CEP85: variants seen among roughly 807,000 people sequenced by gnomAD.
CEP85 encodes the protein centrosomal protein 85, also known as centrosomal protein of 85 kDa.
A neutral mutation model predicts 93.7 loss-of-function variants in CEP85; 58 were observed. The observed-to-expected ratio is 0.62, with a 90% CI of 0.50 to 0.77. CEP85 has a LOEUF of 0.77. Ranked by LOEUF, CEP85 falls within the 30% of genes least tolerant of loss-of-function variation. CEP85 has a pLI of 0.00. For synonymous variants in CEP85, 314 were observed against 338.6 expected (o/e 0.93, Z 0.80); for missense variants, 868 against 922.0 (o/e 0.94, Z 0.76).
intron 12 of CEP85, among the ~76,000 whole-genome samples, chr1:26,276,200 G>A (rs1166288854): frequency 6.6e-6 from 1 of 152,364 alleles, no homozygotes; most frequent in South Asian, 2.1e-4. Flanking sequence ...GGCTAACAGA[G>A]TTGGCTGAGG....
At chr1:26,239,913 G>T in intron 2 of CEP85, 75 bp downstream of exon 2, 2 of 1,095,742 alleles carry the variant, frequency 1.8e-6, no homozygotes, top group South Asian at 2.6e-5. Flanking sequence ...GGTAAATATT[G>T]AACAAACAAG....
intron 3 of CEP85, among the ~76,000 whole-genome samples, chr1:26,250,745 G>T (rs2124573535): frequency 6.6e-6 from 1 of 152,090 alleles, no homozygotes; most frequent in Admixed American, 6.6e-5. Context: ...TTCTGTTACT[G>T]TAAGAGAATA....
chr1:26,247,851 G>T (rs1442165817), intron 3 of CEP85, among the ~76,000 whole-genome samples: 1 of 152,022 alleles, frequency 6.6e-6, no homozygotes, highest in African/African-American at 2.4e-5. Context: ...GTGGAGTCAG[G>T]TTCTCACCAT....
intron 13 of CEP85, 123 bp from the exon 14 acceptor site, chr1:26,277,013 A>G (rs2090063332): frequency 1.9e-6 from 2 of 1,071,860 alleles, no homozygotes; most frequent in Non-Finnish European, 2.8e-6. Context: ...CTGTCCCCAG[A>G]TGCTTTTTTT....
At chr1:26,261,299 C>G (rs2089803843) in intron 7 of CEP85, among the ~76,000 whole-genome samples, 1 of 151,354 alleles carries the variant, frequency 6.6e-6, no homozygotes, top group Non-Finnish European at 1.5e-5. Flanking sequence ...ATGGAGAAAC[C>G]CTGTCTCTAC....
chr1:26,239,683 G>A lies in CEP85; in HGVS notation c.-22-79G>A, dbSNP rs2089389882. ...TTGAATATTCTATATGGTTTTGACA[G>A]TTTCAGTTGAATGGGAACTGAGTTG... On this transcript the variant is annotated intron_variant, in intron 1 of 13. Coordinates refer to ENST00000451429, the MANE Select transcript of CEP85 (RefSeq NM_001319944.2). 6.7e-6 allele frequency: 6 copies of A among 893,442 alleles called. No homozygotes were observed. In the African/African-American group the frequency reaches 8.2e-5, roughly 12 times the overall value. 55.3% of individuals were successfully genotyped at this position (893,442 alleles called of 1,614,324 possible).
chr1:26,268,380 C>A, intron 7 of CEP85, 103 bp from the exon 8 acceptor site: 3 of 1,326,890 alleles, frequency 2.3e-6, no homozygotes, highest in Non-Finnish European at 2.1e-6. Context: ...ATCACTTGAG[C>A]CTGGGAGGTG....
Position 26,259,694 on chromosome 1 carries a change from C to G in CEP85, c.1233C>G (p.Asp411Glu). ...AAGCCTTGAGCAGAGAAAAGATTGACCTTGAAAAGAAACTCTCTGCTTCTG... is the reference window on the plus strand; with the variant it reads ...AAGCCTTGAGCAGAGAAAAGATTGAGCTTGAAAAGAAACTCTCTGCTTCTG... Reference protein sequence around the residue: ...KTEALSREKIDLEKKLSASEV... With the variant: ...KTEALSREKIELEKKLSASEV... The change falls in exon 7 of 14, where the codon GAC becomes GAG. Residue 411 changes from aspartate to glutamate, a missense_variant. Coordinates refer to ENST00000451429, the MANE Select transcript of CEP85 (RefSeq NM_001319944.2). 1 of 1,614,102 alleles carries G rather than the reference C, an allele frequency of 6.2e-7. No homozygotes were observed. The highest frequency in any genetic ancestry group is 1.3e-5 in the African/African-American group (1 of 75,050).
chr1:26,257,533 G>A, intron 4 of CEP85, 64 bp from the exon 5 acceptor site: 2 of 1,591,618 alleles, frequency 1.3e-6, no homozygotes, highest in East Asian at 4.5e-5. Flanking sequence ...GCTGATTACT[G>A]CTCAGGTGTT....
intron 3 of CEP85, among the ~76,000 whole-genome samples, chr1:26,250,838 A>G (rs1051064610): frequency 6.6e-6 from 1 of 151,450 alleles, no homozygotes; most frequent in Non-Finnish European, 1.5e-5. Flanking sequence ...GCATAGTGGC[A>G]GCATCTGGCG....
intron 2 of CEP85, among the ~76,000 whole-genome samples, chr1:26,241,243 A>ATTT (rs1433524136): frequency 1.1e-4 from 7 of 61,814 alleles, no homozygotes; most frequent in Admixed American, 1.6e-4. Flanking sequence ...CATTCAGCAG[A>ATTT]ATTTTTTTTT....
chr1:26,253,390 C>CTT (rs778365418), intron 3 of CEP85, among the ~76,000 whole-genome samples: 18,450 of 134,508 alleles, frequency 0.14, 1,484 homozygotes, highest in Middle Eastern at 0.18. Flanking sequence ...TATCTTTCAT[C>CTT]TTTTTTTTTT....
chr1:26,248,812 C>T lies in CEP85; in HGVS notation c.208+4494C>T, dbSNP rs369315029. ...GGCAATCTCGGCTCACTGCAAGCTC[C>T]GCCTTCCGGGTTAATGCCATTCTCC... is the stretch of plus-strand genomic sequence containing the variant. On this transcript the variant is annotated intron_variant, in intron 3 of 13. Transcript: ENST00000451429. 2.6e-4 allele frequency among the ~76,000 whole-genome samples: 37 copies of T among 144,286 alleles called. No homozygotes were observed. The East Asian group carries it at 3.6e-3, about 14-fold the overall frequency. The allele number at this position is 144,286 out of a possible 152,430, so 94.7% of individuals were successfully genotyped here. A position where few individuals can be genotyped will look rare whatever the true frequency, so the allele number is the denominator to read the frequency against.
At chr1:26,276,932 T>G (rs533383992) in intron 13 of CEP85, among the ~76,000 whole-genome samples, 172 bp downstream of exon 13, 4 of 152,234 alleles carry the variant, frequency 2.6e-5, no homozygotes, top group Non-Finnish European at 5.9e-5. Context: ...AAATCTGTTT[T>G]TGGAAACAAG....
chr1:26,277,117 A>G lies in CEP85; in HGVS notation c.2129-19A>G. On this transcript the variant is annotated intron_variant, in intron 13 of 13. Transcript: ENST00000451429. ...GTCTCATAACTAACATTCTCTTGAA[A>G]TGCTCTTCTCCCCAGCAGCACAGCA... is the stretch of plus-strand genomic sequence containing the variant. 6.2e-7 allele frequency: 1 copy of G among 1,608,408 alleles called. No homozygotes were observed. Among genetic ancestry groups the G allele is most frequent in the Non-Finnish European group, 8.5e-7 (1 of 1,175,102 alleles).
Position 26,248,722 on chromosome 1 carries a change from C to CT in CEP85, c.208+4426dup, listed in dbSNP as rs573449499. Among the ~76,000 whole-genome samples, 166 of 56,196 alleles carry CT rather than the reference C, an allele frequency of 3.0e-3. 16 individuals are homozygous for CT. The highest frequency in any genetic ancestry group is 0.019 in the East Asian group (38 of 2,022). 36.9% of individuals were successfully genotyped at this position (56,196 alleles called of 152,430 possible). ...TGTTGGCCAGTCTGGGTCTTGAACT[C>CT]TTTTTTTTTTTTTTTTTTTTTTGAG... is the stretch of plus-strand genomic sequence containing the variant. On this transcript the variant is annotated intron_variant, in intron 3 of 13. Coordinates refer to ENST00000451429, the MANE Select transcript of CEP85 (RefSeq NM_001319944.2).
Position 26,247,559 on chromosome 1 carries a change from C to T in CEP85, c.208+3241C>T, listed in dbSNP as rs1338030867. 2.0e-5 allele frequency among the ~76,000 whole-genome samples: 3 copies of T among 151,774 alleles called. No homozygotes were observed. The East Asian group carries it at 5.8e-4, about 29-fold the overall frequency. On this transcript the variant is annotated intron_variant, in intron 3 of 13. Transcript: ENST00000451429. ...TACAGTCTGGGCAACATAGTGAGAT[C>T]TTGTCTCCAAAAAAAAAAGAGGGTA...
intron 7 of CEP85, chr1:26,263,253 T>C (rs1371981570): frequency 1.2e-5 from 4 of 331,404 alleles, no homozygotes; most frequent in Non-Finnish European, 2.3e-5. Flanking sequence ...GAAGATCTTA[T>C]AAGGAAGTGC....
Position 26,257,502 on chromosome 1 carries a change from TG to T in CEP85, c.904-92del. Reference sequence around the variant, plus strand: ...TGGGCCTCATCAGGCTGAGCCAAGTTGGGCTTTGACTACAGACCCAGCTGAT... The same window carrying T: ...TGGGCCTCATCAGGCTGAGCCAAGTTGGCTTTGACTACAGACCCAGCTGAT... On this transcript the variant is annotated intron_variant, in intron 4 of 13. Transcript: ENST00000451429. 2.8e-6 allele frequency: 4 copies of T among 1,451,638 alleles called. No individual in the cohort carries two copies. The South Asian group carries it at 5.3e-5, about 19-fold the overall frequency. The allele number at this position is 1,451,638 out of a possible 1,614,324, so 89.9% of individuals were successfully genotyped here.
Sources: gnomAD v4.1 joint callset for allele counts (sites outside exome capture counted in the v4.1 genomes callset) on GRCh38, gnomAD v4.1.1 for gene constraint, MANE v1.5 for transcripts, NCBI Gene and HGNC (gene_info 2026-07-23, HGNC 2026-07-21) for gene names.